CNTN1: variants seen among roughly 807,000 people sequenced by gnomAD.
CNTN1 encodes the protein contactin-1.
CNTN1 carries 38 observed loss-of-function variants against 126.4 expected under a neutral mutation model. The observed-to-expected ratio is 0.30, with a 90% CI of 0.23 to 0.39. The LOEUF (loss-of-function observed/expected upper bound fraction) is 0.39. Among genes scored for constraint, CNTN1 ranks in the 10% least tolerant of loss-of-function variants. The pLI is 1.00. For synonymous variants in CNTN1, 413 were observed against 422.6 expected (o/e 0.98, Z 0.28); for missense variants, 1,009 against 1,248.4 (o/e 0.81, Z 2.89).
At chr12:40,840,287 G>C (rs1008841577) in intron 1 of CNTN1, among the ~76,000 whole-genome samples, 1 of 151,900 alleles carries the variant, frequency 6.6e-6, no homozygotes, top group Non-Finnish European at 1.5e-5. Context: ...AATTCAGTAA[G>C]AGAATATAAC....
intron 1 of CNTN1, among the ~76,000 whole-genome samples, chr12:40,696,575 G>A (rs145539953): frequency 3.4e-4 from 51 of 152,110 alleles, no homozygotes; most frequent in African/African-American, 1.1e-3. Flanking sequence ...ACTTTAGTTC[G>A]TATCTTAAAA....
At chr12:41,020,723 A>T (rs1043537516) in intron 20 of CNTN1, among the ~76,000 whole-genome samples, 3 of 152,202 alleles carry the variant, frequency 2.0e-5, no homozygotes, top group African/African-American at 7.2e-5. Flanking sequence ...AGGTCTTTTT[A>T]GGAAAACATT....
intron 1 of CNTN1, among the ~76,000 whole-genome samples, chr12:40,707,092 C>A (rs1941776854): frequency 6.7e-6 from 1 of 149,080 alleles, no homozygotes; most frequent in African/African-American, 2.5e-5. Context: ...ACACACACCC[C>A]TGCTCAGATT....
At chr12:41,065,517 AAGG>A (rs1220715199) in intron 23 of CNTN1, among the ~76,000 whole-genome samples, 2 of 152,198 alleles carry the variant, frequency 1.3e-5, no homozygotes, top group African/African-American at 4.8e-5. Context: ...TGCAGGTGCG[AAGG>A]AGAAGTGTCT....
At chr12:40,976,319 C>T (rs1947669028) in intron 15 of CNTN1, among the ~76,000 whole-genome samples, 1 of 152,094 alleles carries the variant, frequency 6.6e-6, no homozygotes, top group Non-Finnish European at 1.5e-5. Flanking sequence ...AGGTCAGATT[C>T]CAACAGTCTT....
chr12:40,769,590 CTTAT>C (rs1400981174), intron 1 of CNTN1, among the ~76,000 whole-genome samples: 1 of 152,088 alleles, frequency 6.6e-6, no homozygotes, highest in Non-Finnish European at 1.5e-5. Context: ...AATGTGAGGG[CTTAT>C]TTAGTTAGAT....
At chr12:40,860,073 T>A (rs1326656292) in intron 1 of CNTN1, among the ~76,000 whole-genome samples, 3 of 152,156 alleles carry the variant, frequency 2.0e-5, no homozygotes, top group South Asian at 4.1e-4. Context: ...ACTTTTACAT[T>A]TTTTCTAATT....
chr12:40,877,569 G>A (rs888798825), intron 1 of CNTN1, among the ~76,000 whole-genome samples: 17 of 152,036 alleles, frequency 1.1e-4, no homozygotes, highest in African/African-American at 3.4e-4. Context: ...CTTTCAAATC[G>A]TCTACTTTTA....
At chr12:40,860,100 T>G (rs989346860) in intron 1 of CNTN1, among the ~76,000 whole-genome samples, 10 of 152,134 alleles carry the variant, frequency 6.6e-5, no homozygotes, top group Non-Finnish European at 1.5e-4. Context: ...ATAATATTGA[T>G]CAGAAATCGG....
chr12:40,977,202 A>G (rs1412624664), intron 15 of CNTN1, among the ~76,000 whole-genome samples: 1 of 152,120 alleles, frequency 6.6e-6, no homozygotes, highest in Non-Finnish European at 1.5e-5. Context: ...TCTGATTGGC[A>G]ATTGGTTGAA....
chr12:40,965,644 A>G (rs1220735818), intron 15 of CNTN1, among the ~76,000 whole-genome samples: 1 of 152,060 alleles, frequency 6.6e-6, no homozygotes, highest in Non-Finnish European at 1.5e-5. Context: ...TTAGGGTTCT[A>G]TTTGCATGAC....
chr12:41,053,653 GTCA>G (rs901552032), intron 23 of CNTN1, among the ~76,000 whole-genome samples: 1 of 150,308 alleles, frequency 6.7e-6, no homozygotes, highest in Non-Finnish European at 1.5e-5. Context: ...GAAAACTGTC[GTCA>G]TCAAGAACTT....
chr12:41,002,158 T>A (rs1948375561), intron 17 of CNTN1, among the ~76,000 whole-genome samples: 2 of 152,214 alleles, frequency 1.3e-5, no homozygotes, highest in Non-Finnish European at 2.9e-5. Context: ...AAAGAGTCTT[T>A]TCTAGTTCTG....
chr12:40,765,655 A>G (rs1939055768), intron 1 of CNTN1, among the ~76,000 whole-genome samples: 1 of 152,256 alleles, frequency 6.6e-6, no homozygotes. Flanking sequence ...TGAGAACAGA[A>G]AAATGACTAT....
intron 1 of CNTN1, among the ~76,000 whole-genome samples, chr12:40,719,301 A>T (rs980410380): frequency 6.6e-6 from 1 of 152,186 alleles, no homozygotes; most frequent in Admixed American, 6.5e-5. Flanking sequence ...AGTTACTTTG[A>T]TTTAAGATTG....
chr12:40,757,077 T>C (rs887064432), intron 1 of CNTN1, among the ~76,000 whole-genome samples: 46 of 152,106 alleles, frequency 3.0e-4, no homozygotes, highest in African/African-American at 1.1e-3. Flanking sequence ...TGGTGAGGGC[T>C]CTCTTCCTGA....
At position 41,016,689 on chromosome 12, in the gene CNTN1, C is replaced by T. The variant is rs373871151; in HGVS notation, c.2192C>T (p.Ser731Leu). 3.1e-6 allele frequency: 5 copies of T among 1,608,984 alleles called. No individual in the cohort carries two copies. Among genetic ancestry groups the T allele is most frequent in the Non-Finnish European group, 4.3e-6 (5 of 1,175,566 alleles). ...CTTTTAATTTCTATTTAGCCTTTGTCAAGAGAATACCACTATGGCAACAAT... is the reference window on the plus strand; with the variant it reads ...CTTTTAATTTCTATTTAGCCTTTGTTAAGAGAATACCACTATGGCAACAAT... ...RELTITWAPL[S>L]REYHYGNNFG... Residue 731 changes from serine to leucine, a missense_variant, in exon 19 of 24, where the codon TCA (serine) becomes TTA (leucine). By Grantham distance (145) the Ser-to-Leu change is moderately radical. Coordinates refer to ENST00000551295, the MANE Select transcript of CNTN1 (RefSeq NM_001843.4).
At position 40,828,665 on chromosome 12, in the gene CNTN1, T is replaced by A. The variant is rs71449781; in HGVS notation, c.-76-79692T>A. Reference sequence around the variant, plus strand: ...GCGTTGGCTCAGATTATTTCCTTAATGTCAACATTTTCAAATTCTAGTAAA... The same window carrying A: ...GCGTTGGCTCAGATTATTTCCTTAAAGTCAACATTTTCAAATTCTAGTAAA... On this transcript the variant is annotated intron_variant, in intron 1 of 23. Transcript: ENST00000551295. Among the ~76,000 whole-genome samples, 14 of 152,286 alleles carry A rather than the reference T, an allele frequency of 9.2e-5. 1 individual carries two copies. Among genetic ancestry groups the A allele is most frequent in the Admixed American group, 3.3e-4 (5 of 15,280 alleles).
intron 1 of CNTN1, among the ~76,000 whole-genome samples, chr12:40,808,845 A>C (rs1940953867): frequency 6.6e-6 from 1 of 152,034 alleles, no homozygotes; most frequent in South Asian, 2.1e-4. Context: ...ACAAACAAAA[A>C]CCTAGGTATT....
Sources: gnomAD v4.1 joint callset for allele counts (sites outside exome capture counted in the v4.1 genomes callset) on GRCh38, gnomAD v4.1.1 for gene constraint, MANE v1.5 for transcripts, NCBI Gene and HGNC (gene_info 2026-07-23, HGNC 2026-07-21) for gene names.